BBOX1: variants seen among roughly 807,000 people sequenced by gnomAD.
BBOX1 encodes the protein gamma-butyrobetaine hydroxylase 1.
A neutral mutation model predicts 41.6 loss-of-function variants in BBOX1; 35 were observed. The ratio of observed to expected loss-of-function variants is 0.84; its 90% CI spans 0.64 to 1.11. The LOEUF is 1.11. Ranked by LOEUF, BBOX1 falls within the 50% of genes most tolerant of loss-of-function variation. The pLI is 0.00. For synonymous variants in BBOX1, 163 were observed against 154.7 expected, an observed-to-expected ratio of 1.05 and a Z score of -0.40; for missense variants, 458 against 460.6, an observed-to-expected ratio of 0.99 and a Z score of 0.05.
chr11:27,094,841 T>A (rs1858379217), intron 5 of BBOX1, among the ~76,000 whole-genome samples: 1 of 151,878 alleles, frequency 6.6e-6, no homozygotes, highest in African/African-American at 2.4e-5. Context: ...AAAATTTGTA[T>A]CTCCCTTACA....
At chr11:27,075,657 CTGCAGGAA>C (rs372606362) in intron 4 of BBOX1, among the ~76,000 whole-genome samples, 2 of 152,314 alleles carry the variant, frequency 1.3e-5, no homozygotes, top group African/African-American at 4.8e-5. Context: ...CTCTTTTCAT[CTGCAGGAA>C]TGAAATTCCA....
chr11:27,090,931 G>A (rs941316827), intron 4 of BBOX1, among the ~76,000 whole-genome samples: 2 of 151,760 alleles, frequency 1.3e-5, no homozygotes, highest in Non-Finnish European at 2.9e-5. Flanking sequence ...GAAAAACATG[G>A]CTCTTTTTGC....
intron 6 of BBOX1, among the ~76,000 whole-genome samples, chr11:27,116,119 C>T (rs915435476): frequency 8.6e-5 from 13 of 151,990 alleles, no homozygotes; most frequent in African/African-American, 2.2e-4. Context: ...GGCAGATATA[C>T]GCCATAGAAT....
At chr11:27,126,741 T>C (rs1859670830) in intron 8 of BBOX1, among the ~76,000 whole-genome samples, 1 of 150,984 alleles carries the variant, frequency 6.6e-6, no homozygotes, top group Admixed American at 6.6e-5. Context: ...AGTGGCGTGA[T>C]CTCGGCTCAC....
intron 4 of BBOX1, among the ~76,000 whole-genome samples, chr11:27,086,325 C>G (rs1858039234): frequency 6.6e-6 from 1 of 151,992 alleles, no homozygotes; most frequent in African/African-American, 2.4e-5. Flanking sequence ...TGTTAGGGAC[C>G]AATACAGCTA....
rs114558625 is a variant in BBOX1, at chr11:27,044,199, G to C, written c.-39+2721G>C. Among the ~76,000 whole-genome samples, 43 of 152,238 alleles carry C rather than the reference G, an allele frequency of 2.8e-4. 1 individual carries two copies. In the South Asian group the frequency reaches 8.1e-3, roughly 29 times the overall value. Reference sequence around the variant, plus strand: ...TTGCATTTGTCTAATGACTAGTGACGATGAGCTTTTCTTCATATGTTTGTT... The same window carrying C: ...TTGCATTTGTCTAATGACTAGTGACCATGAGCTTTTCTTCATATGTTTGTT... On this transcript the variant is annotated intron_variant, in intron 2 of 8. Coordinates refer to ENST00000263182, the MANE Select transcript of BBOX1 (RefSeq NM_003986.3).
At chr11:27,047,380 T>C (rs1006836814) in intron 2 of BBOX1, 7 of 152,190 alleles carry the variant, frequency 4.6e-5, no homozygotes, top group South Asian at 2.1e-4. Flanking sequence ...ATGTAATTAA[T>C]GTTTCTTGGC....
chr11:27,045,788 G>A lies in BBOX1; in HGVS notation c.-39+4310G>A, dbSNP rs532596039. Among the ~76,000 whole-genome samples the A allele has an allele frequency of 2.7e-4, 41 of 152,198 alleles. 1 individual carries two copies. The highest frequency in any genetic ancestry group is 2.9e-4 in the Non-Finnish European group (20 of 68,004). Reference sequence around the variant, plus strand: ...GAAATAACAGCCTTTTATTCTGAGGGATAAGTAATTTAGTAGATAAATCAG... The same window carrying A: ...GAAATAACAGCCTTTTATTCTGAGGAATAAGTAATTTAGTAGATAAATCAG... On this transcript the variant is annotated intron_variant, in intron 2 of 8. Coordinates refer to ENST00000263182, the MANE Select transcript of BBOX1 (RefSeq NM_003986.3).
At chr11:27,044,437 A>G (rs1366264212) in intron 2 of BBOX1, among the ~76,000 whole-genome samples, 1 of 152,112 alleles carries the variant, frequency 6.6e-6, no homozygotes, top group Non-Finnish European at 1.5e-5. Flanking sequence ...CTTTAGTTTA[A>G]TTAGATCCAG....
At chr11:27,118,805 T>C (rs1184032737) in intron 6 of BBOX1, among the ~76,000 whole-genome samples, 1 of 151,876 alleles carries the variant, frequency 6.6e-6, no homozygotes, top group Non-Finnish European at 1.5e-5. Flanking sequence ...TTTTAAAAAT[T>C]AGCACTTGAA....
chr11:27,125,977 G>C, intron 8 of BBOX1, 157 bp downstream of exon 8: 1 of 700,950 alleles, frequency 1.4e-6, no homozygotes, highest in Non-Finnish European at 2.3e-6. Flanking sequence ...TAGTGGACTC[G>C]TGGCCCTCAT....
intron 4 of BBOX1, among the ~76,000 whole-genome samples, chr11:27,067,041 A>C (rs1305653395): frequency 6.6e-6 from 1 of 152,188 alleles, no homozygotes; most frequent in African/African-American, 2.4e-5. Flanking sequence ...TCTGCACAAC[A>C]GATATAATAA....
At chr11:27,083,171 G>T (rs1444010363) in intron 4 of BBOX1, among the ~76,000 whole-genome samples, 1 of 152,058 alleles carries the variant, frequency 6.6e-6, no homozygotes, top group Admixed American at 6.6e-5. Flanking sequence ...CATTTTTCAG[G>T]GGTTGCTTTG....
intron 4 of BBOX1, among the ~76,000 whole-genome samples, chr11:27,086,597 C>T (rs1858049141): frequency 6.6e-6 from 1 of 152,058 alleles, no homozygotes; most frequent in South Asian, 2.1e-4. Context: ...TTAAGATGTA[C>T]AAGGAGATTG....
chr11:27,060,173 C>A (rs1184545215), intron 4 of BBOX1, among the ~76,000 whole-genome samples: 1 of 152,128 alleles, frequency 6.6e-6, no homozygotes, highest in Non-Finnish European at 1.5e-5. Context: ...GGGATGATTT[C>A]TCATGAATTG....
chr11:27,084,122 C>A (rs905137325), intron 4 of BBOX1, among the ~76,000 whole-genome samples: 1 of 151,986 alleles, frequency 6.6e-6, no homozygotes, highest in Non-Finnish European at 1.5e-5. Flanking sequence ...AGCTCTCAAC[C>A]AAAAAGGGGT....
chr11:27,104,981 G>T (rs112314789), intron 5 of BBOX1, among the ~76,000 whole-genome samples: 1 of 152,136 alleles, frequency 6.6e-6, no homozygotes, highest in Non-Finnish European at 1.5e-5. Flanking sequence ...AGGAAAACAG[G>T]GTCTGGAGTG....
rs568193132 is a variant in BBOX1 at position 27,079,121 on chromosome 11, A to G, written c.335-14047A>G. On this transcript the variant is annotated intron_variant, in intron 4 of 8. Transcript: ENST00000263182. ...ATGTTTGAGCTCCCCTTACATGAAG[A>G]ACAATCATGTTCTATTCCTGATTAA... is the stretch of plus-strand genomic sequence containing the variant. 2.0e-4 allele frequency among the ~76,000 whole-genome samples: 31 copies of G among 152,320 alleles called. No homozygotes were observed. In the South Asian group the frequency reaches 6.2e-3, roughly 31 times the overall value.
At chr11:27,121,542 A>G (rs796627894) in intron 7 of BBOX1, among the ~76,000 whole-genome samples, 1 of 152,194 alleles carries the variant, frequency 6.6e-6, no homozygotes, top group East Asian at 1.9e-4. Flanking sequence ...ATGAGTGGCT[A>G]GAGTGACAGC....
Sources: allele counts gnomAD v4.1 joint callset (sites outside exome capture counted in the v4.1 genomes callset), GRCh38; gene constraint gnomAD v4.1.1; transcripts MANE v1.5; gene names NCBI Gene and HGNC (gene_info 2026-07-23, HGNC 2026-07-21).